KAZN: variants seen among roughly 807,000 people sequenced by gnomAD.
KAZN encodes kazrin.
Under a neutral mutation model 87.4 loss-of-function variants are expected in KAZN, and 40 were observed. The observed-to-expected ratio is 0.46, with a 90% CI of 0.36 to 0.60. The LOEUF (loss-of-function observed/expected upper bound fraction) is 0.60. KAZN is among the 20% of genes least tolerant of loss of function. KAZN has a pLI of 0.00. For synonymous variants in KAZN, 466 were observed against 458.3 expected (o/e 1.02, Z -0.22); for missense variants, 898 against 1,073.9 (o/e 0.84, Z 2.29).
chr1:14,615,988 A>G (rs1394108256), intron 1 of KAZN, among the ~76,000 whole-genome samples: 1 of 152,150 alleles, frequency 6.6e-6, no homozygotes, highest in Non-Finnish European at 1.5e-5. Flanking sequence ...CAGCCTCCCA[A>G]CTCTGCCAGA....
intron 1 of KAZN, among the ~76,000 whole-genome samples, chr1:13,948,441 T>G (rs58153359): frequency 6.6e-6 from 1 of 152,232 alleles, no homozygotes; most frequent in Non-Finnish European, 1.5e-5. Flanking sequence ...AAGAGATGCC[T>G]TCTGCCATGA....
At chr1:14,889,051 A>C (rs2101147310) in intron 1 of KAZN, among the ~76,000 whole-genome samples, 1 of 152,346 alleles carries the variant, frequency 6.6e-6, no homozygotes, top group Middle Eastern at 3.4e-3. Context: ...GTTTTAAGAA[A>C]GTTTACGAAT....
At chr1:14,893,773 G>A (rs893522505) in intron 1 of KAZN, among the ~76,000 whole-genome samples, 37 of 152,128 alleles carry the variant, frequency 2.4e-4, no homozygotes, top group African/African-American at 8.7e-4. Flanking sequence ...AAGGTACAAG[G>A]ATCATTTGAA....
chr1:13,999,374 CAAAA>C (rs1422716135), intron 1 of KAZN, among the ~76,000 whole-genome samples: 15 of 109,580 alleles, frequency 1.4e-4, no homozygotes, highest in Non-Finnish European at 2.9e-4. Flanking sequence ...AAACAAAAAA[CAAAA>C]AAACAAACAA....
At chr1:14,889,585 G>A (rs1654482467) in intron 1 of KAZN, among the ~76,000 whole-genome samples, 1 of 152,102 alleles carries the variant, frequency 6.6e-6, no homozygotes, top group Admixed American at 6.5e-5. Flanking sequence ...TTCCCCCTTG[G>A]GGTACAGCTC....
At chr1:14,752,985 T>A (rs1390289198) in intron 1 of KAZN, among the ~76,000 whole-genome samples, 3 of 152,194 alleles carry the variant, frequency 2.0e-5, no homozygotes, top group Non-Finnish European at 4.4e-5. Context: ...TCATTTTATC[T>A]CAATGCACTT....
intron 1 of KAZN, among the ~76,000 whole-genome samples, chr1:14,674,301 TG>T (rs1447505405): frequency 1.3e-5 from 2 of 152,228 alleles, no homozygotes; most frequent in Non-Finnish European, 2.9e-5. Context: ...CCTGCAAAGT[TG>T]TGAGATGCAT....
chr1:14,830,368 T>C (rs1647018806), intron 1 of KAZN, among the ~76,000 whole-genome samples: 1 of 152,214 alleles, frequency 6.6e-6, no homozygotes, highest in Non-Finnish European at 1.5e-5. Flanking sequence ...TGTTCATCCC[T>C]GAATGTATCA....
At chr1:14,860,427 A>T (rs67469308) in intron 1 of KAZN, among the ~76,000 whole-genome samples, 2 of 152,090 alleles carry the variant, frequency 1.3e-5, no homozygotes, top group African/African-American at 4.8e-5. Flanking sequence ...CCTGGCCTCA[A>T]GTTATCTACC....
chr1:14,488,350 C>T (rs996238654), intron 2 of KAZN, among the ~76,000 whole-genome samples: 1 of 152,138 alleles, frequency 6.6e-6, no homozygotes, highest in Admixed American at 6.5e-5. Flanking sequence ...CTCTCATCGT[C>T]GCTAAGGTCT....
intron 1 of KAZN, among the ~76,000 whole-genome samples, chr1:13,995,550 C>A (rs1308109401): frequency 6.6e-6 from 1 of 152,136 alleles, no homozygotes; most frequent in African/African-American, 2.4e-5. Flanking sequence ...ACAGAAACAT[C>A]TTGTTTGTAG....
intron 2 of KAZN, among the ~76,000 whole-genome samples, chr1:15,030,611 G>A (rs1056117379): frequency 2.3e-4 from 35 of 152,324 alleles, no homozygotes; most frequent in African/African-American, 8.4e-4. Flanking sequence ...CCAGCAATGT[G>A]GTCGCATCAT....
At chr1:14,112,655 G>A (rs1269777660) in intron 1 of KAZN, among the ~76,000 whole-genome samples, 1 of 152,162 alleles carries the variant, frequency 6.6e-6, no homozygotes, top group Non-Finnish European at 1.5e-5. Flanking sequence ...GGATGGAATG[G>A]GCCTGGTATA....
In KAZN at chr1:14,397,924, G is replaced by A. The variant is rs540505027; in HGVS notation, c.250-201059G>A. Among the ~76,000 whole-genome samples the A allele has an allele frequency of 1.0e-4, 15 of 149,564 alleles. No individual in the cohort carries two copies. The South Asian group carries it at 3.0e-3, about 30-fold the overall frequency. On this transcript the variant is annotated intron_variant, in intron 2 of 16. Coordinates refer to the KAZN transcript ENST00000636203. ...TGCCTGTTCTGAGATAAGGCTTCAC[G>A]AGTCCTTGCCTGATTCCTCCTGCAT...
intron 8 of KAZN, among the ~76,000 whole-genome samples, chr1:15,087,696 C>G (rs1003215836): frequency 2.0e-5 from 3 of 152,170 alleles, no homozygotes; most frequent in Non-Finnish European, 4.4e-5. Context: ...CCTTAAGGCA[C>G]TTCTCAATGT....
At chr1:14,072,016 G>A (rs955557493) in intron 1 of KAZN, among the ~76,000 whole-genome samples, 27 of 152,232 alleles carry the variant, frequency 1.8e-4, no homozygotes, top group African/African-American at 6.0e-4. Flanking sequence ...AGAGTTTCAG[G>A]TGGAACCATC....
At chr1:14,179,112 GTTT>G (rs1646142979) in intron 1 of KAZN, among the ~76,000 whole-genome samples, 1 of 152,152 alleles carries the variant, frequency 6.6e-6, no homozygotes, top group African/African-American at 2.4e-5. Context: ...GTCATGTAGA[GTTT>G]TATCCTGCCC....
intron 2 of KAZN, among the ~76,000 whole-genome samples, chr1:14,977,128 G>A (rs1665718412): frequency 6.6e-6 from 1 of 152,214 alleles, no homozygotes; most frequent in Non-Finnish European, 1.5e-5. Context: ...AGGCCATGGA[G>A]TCCTCGGGGC....
At chr1:14,891,683 G>A (rs1210409659) in intron 1 of KAZN, among the ~76,000 whole-genome samples, 2 of 152,134 alleles carry the variant, frequency 1.3e-5, no homozygotes, top group African/African-American at 2.4e-5. Flanking sequence ...CTGATTTCTG[G>A]AAAATTCTAT....
Sources: gnomAD v4.1 joint callset for allele counts (sites outside exome capture counted in the v4.1 genomes callset) on GRCh38, gnomAD v4.1.1 for gene constraint, MANE v1.5 for transcripts, NCBI Gene and HGNC (gene_info 2026-07-23, HGNC 2026-07-21) for gene names.